The following CTTNBP2NL variants were observed in gnomAD, a reference collection of about 807,000 sequenced individuals.
CTTNBP2NL encodes CTTNBP2 N-terminal-like protein.
Under a neutral mutation model 32.5 loss-of-function variants are expected in CTTNBP2NL, and 16 were observed. The ratio of observed to expected loss-of-function variants is 0.49; its 90% confidence interval spans 0.33 to 0.75. The LOEUF is 0.75. Ranked by LOEUF, CTTNBP2NL falls within the 30% of genes least tolerant of loss-of-function variation. The pLI is 0.02. For missense variants in CTTNBP2NL, 645 were observed against 756.0 expected (o/e 0.85, Z 1.72); for synonymous variants, 298 against 289.4 (o/e 1.03, Z -0.30).
In CTTNBP2NL at chr1:112,456,122, G is replaced by A. The variant is rs775062312; in HGVS notation, c.630G>A (p.Glu210=). The change falls in exon 6 of 6, where the codon GAG becomes GAA. Residue 210 remains glutamate (E), a synonymous_variant. Transcript: ENST00000271277. ...AGCTGAGCCTGAAATTGGAGAAGGA[G>A]AAGAGCCGGGTGAGTAAACTGGAAG... is the stretch of plus-strand genomic sequence containing the variant. The part of the protein sequence containing the change: ...AGELSLKLEK[E]KSRVSKLEEE... 13 of 1,614,042 alleles carry A rather than the reference G, an allele frequency of 8.1e-6. No homozygotes were observed. The highest frequency in any genetic ancestry group is 1.3e-5 in the African/African-American group (1 of 74,928).
At chr1:112,411,876 G>A (rs1473312456) in intron 1 of CTTNBP2NL, among the ~76,000 whole-genome samples, 1 of 152,014 alleles carries the variant, frequency 6.6e-6, no homozygotes, top group African/African-American at 2.4e-5. Flanking sequence ...CTTAAGTCAT[G>A]GTGATTCAAG....
Position 112,426,477 on chromosome 1 carries a change from A to G in CTTNBP2NL, c.99+10213A>G, listed in dbSNP as rs188330133. Among the ~76,000 whole-genome samples, 56 of 152,188 alleles carry G rather than the reference A, an allele frequency of 3.7e-4. No individual in the cohort carries two copies. The East Asian group carries it at 0.01, about 28-fold the overall frequency. ...GAGGTCAAGGCAGGAGGATCACTTG[A>G]AGCCAGGAGTTGAAGACCAGCTTGG... On this transcript the variant is annotated intron_variant, in intron 3 of 5. Transcript: ENST00000271277.
intron 1 of CTTNBP2NL, among the ~76,000 whole-genome samples, chr1:112,409,008 G>A (rs1416749219): frequency 1.3e-5 from 2 of 151,694 alleles, no homozygotes; most frequent in Non-Finnish European, 1.5e-5. Flanking sequence ...CGCACCTGTA[G>A]TCCCAGCTAC....
chr1:112,396,828 T>G (rs1413730651), intron 1 of CTTNBP2NL, among the ~76,000 whole-genome samples: 2 of 152,232 alleles, frequency 1.3e-5, no homozygotes, highest in Non-Finnish European at 2.9e-5. Context: ...CCCCATTCTC[T>G]GATGCTCAGT....
upstream of CTTNBP2NL, among the ~76,000 whole-genome samples, chr1:112,394,352 A>G (rs921779038): frequency 5.9e-5 from 9 of 152,178 alleles, no homozygotes; most frequent in African/African-American, 2.2e-4. Context: ...CTCATTGCAT[A>G]CACATAGGCA....
chr1:112,424,872 A>G (rs1275410152), intron 3 of CTTNBP2NL, among the ~76,000 whole-genome samples: 1 of 151,840 alleles, frequency 6.6e-6, no homozygotes, highest in African/African-American at 2.4e-5. Context: ...GGCTGAGTGT[A>G]GTGGCATGAT....
Position 112,457,509 on chromosome 1 carries a change from T to C in CTTNBP2NL, c.*97T>C, listed in dbSNP as rs184283149. 9.6e-5 allele frequency: 101 copies of C among 1,055,984 alleles called. No homozygotes were observed. In the Admixed American group the frequency reaches 2.3e-3, roughly 24 times the overall value. 65.4% of individuals were successfully genotyped at this position (1,055,984 alleles called of 1,614,324 possible). A position where few individuals can be genotyped will look rare whatever the true frequency, so the allele number is the denominator to read the frequency against. ...CAGATTATGTTATTTATTTTGATAGTAGCTGAAACCATCTGTATAATACAT... is the reference window on the plus strand; with the variant it reads ...CAGATTATGTTATTTATTTTGATAGCAGCTGAAACCATCTGTATAATACAT... On this transcript the variant is annotated 3_prime_UTR_variant, in exon 6 of 6. Coordinates refer to ENST00000271277, the MANE Select transcript of CTTNBP2NL (RefSeq NM_018704.3).
chr1:112,457,370 A>G lies in CTTNBP2NL; in HGVS notation c.1878A>G (p.Ala626=), dbSNP rs1343068194. 6.2e-7 allele frequency: 1 copy of G among 1,614,114 alleles called. No homozygotes were observed. The stretch of plus-strand genomic sequence containing the variant: ...GCTGCTCTTCCAATACTGTTGTAGC[A>G]AATGGTAAGGATGTTGAGTTACTTT... ...ASSCSSNTVV[A]NGKDVELLLP... is the part of the protein sequence containing the mutation. Residue 626 remains alanine, a synonymous_variant, in exon 6 of 6, where the codon GCA becomes GCG. Coordinates refer to ENST00000271277, the MANE Select transcript of CTTNBP2NL (RefSeq NM_018704.3).
chr1:112,433,983 C>T (rs1649652006), intron 3 of CTTNBP2NL, among the ~76,000 whole-genome samples: 1 of 151,880 alleles, frequency 6.6e-6, no homozygotes, highest in Non-Finnish European at 1.5e-5. Flanking sequence ...GGCAGTCTTT[C>T]CGCCTTGGCC....
chr1:112,447,102 G>A (rs760927024), intron 3 of CTTNBP2NL, among the ~76,000 whole-genome samples: 9 of 151,626 alleles, frequency 5.9e-5, no homozygotes, highest in African/African-American at 9.7e-5. Flanking sequence ...GTGAAACCCC[G>A]TCTCTATTAA....
chr1:112,430,880 G>T (rs1318505815), intron 3 of CTTNBP2NL, among the ~76,000 whole-genome samples: 1 of 152,148 alleles, frequency 6.6e-6, no homozygotes, highest in African/African-American at 2.4e-5. Flanking sequence ...ACTGTTCCCG[G>T]CCAGCTAGCT....
chr1:112,412,119 A>G (rs1648889531), intron 1 of CTTNBP2NL, 75 bp from the exon 2 acceptor site: 1 of 152,214 alleles, frequency 6.6e-6, no homozygotes, highest in South Asian at 2.1e-4. Context: ...CAGCGATGAC[A>G]GTTGACGTTA....
At chr1:112,441,488 G>A (rs1053792205) in intron 3 of CTTNBP2NL, among the ~76,000 whole-genome samples, 9 of 151,986 alleles carry the variant, frequency 5.9e-5, no homozygotes, top group Admixed American at 1.3e-4. Flanking sequence ...GGGCTATTAC[G>A]AATAAAGCTG....
At chr1:112,413,110 A>G (rs1428272756) in intron 2 of CTTNBP2NL, among the ~76,000 whole-genome samples, 1 of 152,242 alleles carries the variant, frequency 6.6e-6, no homozygotes, top group African/African-American at 2.4e-5. Context: ...CTCTTTTATA[A>G]GGATGTATAT....
Position 112,457,595 on chromosome 1 carries a change from G to T in CTTNBP2NL, c.*183G>T. 1.8e-6 allele frequency: 1 copy of T among 563,612 alleles called. No individual in the cohort carries two copies. The highest frequency in any genetic ancestry group is 3.1e-5 in the South Asian group (1 of 32,434). The allele number at this position is 563,612 out of a possible 1,614,324, so 34.9% of individuals were successfully genotyped here. A position where few individuals can be genotyped will look rare whatever the true frequency, so the allele number is the denominator to read the frequency against. On this transcript the variant is annotated 3_prime_UTR_variant, in exon 6 of 6. Transcript: ENST00000271277. ...GAAACTGAGTAGTTTGGATTTTTAT[G>T]GCTCACATCTTTTTACTGAAGCCAG...
chr1:112,450,386 G>A (rs1650181069), intron 4 of CTTNBP2NL, among the ~76,000 whole-genome samples: 2 of 152,134 alleles, frequency 1.3e-5, no homozygotes, highest in African/African-American at 4.8e-5. Flanking sequence ...AGTTACCCAA[G>A]ACCCAAAAAT....
chr1:112,391,223 G>C (rs1648174436), upstream of CTTNBP2NL, among the ~76,000 whole-genome samples: 1 of 152,232 alleles, frequency 6.6e-6, no homozygotes, highest in South Asian at 2.1e-4. Flanking sequence ...TCCGGGGCTT[G>C]GAGAGCCCTC....
intron 3 of CTTNBP2NL, among the ~76,000 whole-genome samples, chr1:112,434,949 C>G (rs1649685479): frequency 6.6e-6 from 1 of 151,960 alleles, no homozygotes; most frequent in African/African-American, 2.4e-5. Flanking sequence ...TCGAGACTAG[C>G]TTGGCCAACA....
rs147907081 is a variant in CTTNBP2NL at position 112,414,337 on chromosome 1, C to G, written c.-9-1820C>G. Among the ~76,000 whole-genome samples the G allele has an allele frequency of 1.5e-3, 232 of 152,308 alleles. 2 individuals are homozygous for G. The highest frequency in any genetic ancestry group is 5.4e-3 in the African/African-American group (226 of 41,572). On this transcript the variant is annotated intron_variant, in intron 2 of 5. Coordinates refer to ENST00000271277, the MANE Select transcript of CTTNBP2NL (RefSeq NM_018704.3). The stretch of plus-strand genomic sequence containing the variant: ...CGAAATCACCCCACTGCATTCCAGC[C>G]TGGGCAACTGAGTGAGACTCCATCT...
Sources: gnomAD v4.1 joint callset for allele counts (sites outside exome capture counted in the v4.1 genomes callset) on GRCh38, gnomAD v4.1.1 for gene constraint, MANE v1.5 for transcripts, NCBI Gene and HGNC (gene_info 2026-07-23, HGNC 2026-07-21) for gene names.